The following USP24 variants were observed in gnomAD, a reference collection of about 807,000 sequenced individuals.
The protein encoded by USP24 is ubiquitin specific peptidase 24.
In USP24, 97 loss-of-function variants were observed where a neutral mutation model predicts 361.6. That is an observed-to-expected ratio of 0.27 (90% CI 0.23 to 0.32). USP24 has a LOEUF of 0.32. Among genes scored for constraint, USP24 ranks in the 10% least tolerant of loss-of-function variants. The pLI, the probability that USP24 is intolerant of heterozygous loss-of-function variation, is 1.00. For synonymous variants in USP24, 1,098 were observed against 1,124.6 expected (o/e 0.98, Z 0.47); for missense variants, 2,353 against 3,165.6 (o/e 0.74, Z 6.16).
chr1:55,101,074 G>A, intron 43 of USP24, 110 bp from the exon 44 acceptor site: 1 of 1,272,146 alleles, frequency 7.9e-7, no homozygotes, highest in East Asian at 2.5e-5. Context: ...TGTTATGTAT[G>A]TTTGGACATG....
rs545488796 is a variant in USP24 at position 55,086,032 on chromosome 1, G to A, written c.6675C>T (p.Phe2225=). 1.9e-6 allele frequency: 3 copies of A among 1,613,844 alleles called. No individual in the cohort carries two copies. Among genetic ancestry groups the A allele is most frequent in the Admixed American group, 3.3e-5 (2 of 60,012 alleles). The change falls in exon 56 of 68, where the codon TTC becomes TTT. Residue 2225 remains phenylalanine, a synonymous_variant. Transcript: ENST00000294383. ...SSEGRELIKI[F]LLECNVREVR... The stretch of plus-strand genomic sequence containing the variant: ...CTTCTCTCACATTGCACTCCAGTAA[G>A]AAAATCCTGAAAGAAAGAGAAAGGT...
intron 35 of USP24, among the ~76,000 whole-genome samples, chr1:55,123,857 A>G (rs1248191098): frequency 6.6e-6 from 1 of 152,204 alleles, no homozygotes; most frequent in Non-Finnish European, 1.5e-5. Flanking sequence ...AAAATAGCGC[A>G]ATTTTGTGGG....
At position 55,088,918 on chromosome 1, in the gene USP24, G is replaced by T. The variant is rs914453163; in HGVS notation, c.6668+709C>A. Among the ~76,000 whole-genome samples, 17 of 151,800 alleles carry T rather than the reference G, an allele frequency of 1.1e-4. No homozygotes were observed. In the East Asian group the frequency reaches 3.1e-3, roughly 28 times the overall value. ...ACTATCATAGGTAATATACTACCAGGAGTTTTTTTTTTTTGAGTGGAGTCT... is the reference window on the plus strand; with the variant it reads ...ACTATCATAGGTAATATACTACCAGTAGTTTTTTTTTTTTGAGTGGAGTCT... On this transcript the variant is annotated intron_variant, in intron 55 of 67. Transcript: ENST00000294383.
chr1:55,147,909 T>TA, intron 17 of USP24, 111 bp from the exon 18 acceptor site: 1 of 1,138,624 alleles, frequency 8.8e-7, no homozygotes, highest in Non-Finnish European at 1.2e-6. Context: ...AAAGCAAACA[T>TA]AAGAATTTCC....
rs1329725181 is a variant in USP24, at chr1:55,159,054, C to T, written c.1069-18G>A. The T allele has an allele frequency of 7.0e-7, 1 of 1,431,862 alleles. No individual in the cohort carries two copies. The highest frequency in any genetic ancestry group is 9.2e-7 in the Non-Finnish European group (1 of 1,083,232). The allele number at this position is 1,431,862 out of a possible 1,614,324, so 88.7% of individuals were successfully genotyped here. On this transcript the variant is annotated intron_variant, in intron 9 of 67. Transcript: ENST00000294383. The stretch of plus-strand genomic sequence containing the variant: ...ACCAATCTCTTTTATTGAATAAAAA[C>T]AAAAAAACAAAAAAGGAACTGTAAA...
At chr1:55,114,424 T>C (rs1239314535) in intron 38 of USP24, among the ~76,000 whole-genome samples, 1 of 152,154 alleles carries the variant, frequency 6.6e-6, no homozygotes, top group African/African-American at 2.4e-5. Context: ...AAACAGAACC[T>C]GTATAGCCAA....
chr1:55,099,654 TTAAAGA>T (rs1398581572), intron 45 of USP24, 111 bp downstream of exon 45: 3 of 711,864 alleles, frequency 4.2e-6, no homozygotes, highest in South Asian at 3.3e-5. Flanking sequence ...AGTTCTTATG[TTAAAGA>T]TAATCAATTT....
At chr1:55,155,823 T>C (rs1408526424) in intron 12 of USP24, among the ~76,000 whole-genome samples, 1 of 152,208 alleles carries the variant, frequency 6.6e-6, no homozygotes, top group African/African-American at 2.4e-5. Flanking sequence ...CAAGGGACTC[T>C]GGAAACCTTG....
At chr1:55,137,407 T>C in intron 28 of USP24, 108 bp downstream of exon 28, 2 of 1,316,604 alleles carry the variant, frequency 1.5e-6, no homozygotes, top group Non-Finnish European at 2.0e-6. Flanking sequence ...CACAACAAGC[T>C]TGAACACTAA....
chr1:55,168,054 G>A (rs142752047), intron 5 of USP24, among the ~76,000 whole-genome samples: 6 of 152,072 alleles, frequency 3.9e-5, no homozygotes, highest in South Asian at 2.1e-4. Context: ...GAAAGGAAGC[G>A]CTGAAGATCA....
At chr1:55,074,806 A>C (rs1178947082) in intron 63 of USP24, among the ~76,000 whole-genome samples, 1 of 152,164 alleles carries the variant, frequency 6.6e-6, no homozygotes, top group East Asian at 1.9e-4. Context: ...TGAAGCTACA[A>C]AACTTTTTAG....
chr1:55,124,148 T>C (rs1646361064), intron 35 of USP24, among the ~76,000 whole-genome samples: 1 of 152,248 alleles, frequency 6.6e-6, no homozygotes, highest in Non-Finnish European at 1.5e-5. Flanking sequence ...TTTCCAGGAC[T>C]GAATTCTAAA....
rs1170021988 is a variant in USP24 at position 55,107,442 on chromosome 1, A to T, written c.4571-12T>A. On this transcript the variant is annotated splice_polypyrimidine_tract_variant and intron_variant, in intron 39 of 67. Transcript: ENST00000294383. ...CTCCATTTCTGAAGCTAAGAAGGAA[A>T]AAAAAAATCCATTACAAAGAAAGAA... The T allele has an allele frequency of 6.4e-7, 1 of 1,558,342 alleles. No individual in the cohort carries two copies. Among genetic ancestry groups the T allele is most frequent in the African/African-American group, 1.4e-5 (1 of 72,298 alleles).
At chr1:55,212,574 C>T (rs1243593463) in intron 1 of USP24, among the ~76,000 whole-genome samples, 1 of 152,172 alleles carries the variant, frequency 6.6e-6, no homozygotes, top group East Asian at 1.9e-4. Context: ...GATCAAGAGC[C>T]TCAGTTTCCC....
chr1:55,093,320 T>C (rs1399361041), intron 52 of USP24, among the ~76,000 whole-genome samples: 2 of 152,246 alleles, frequency 1.3e-5, no homozygotes, highest in African/African-American at 4.8e-5. Context: ...TCAAATTCTC[T>C]TGTTCTAGCT....
At chr1:55,092,951 TG>T in intron 52 of USP24, 35 bp from the exon 53 acceptor site, 1 of 1,357,672 alleles carries the variant, frequency 7.4e-7, no homozygotes, top group Non-Finnish European at 1.0e-6. Flanking sequence ...TTTTATGAAA[TG>T]GAAAAATATT....
chr1:55,208,719 C>T (rs1053690895), intron 1 of USP24, among the ~76,000 whole-genome samples: 13 of 149,424 alleles, frequency 8.7e-5, no homozygotes, highest in South Asian at 4.3e-4. Flanking sequence ...AGGCGGATCA[C>T]GAGGTCAGGA....
At chr1:55,082,051 G>T (rs989693187) in intron 58 of USP24, among the ~76,000 whole-genome samples, 3 of 152,208 alleles carry the variant, frequency 2.0e-5, no homozygotes, top group Non-Finnish European at 4.4e-5. Context: ...CAGAGCACGT[G>T]ATGCTGTCAG....
Position 55,069,082 on chromosome 1 carries a change from C to T in USP24, c.7826G>A (p.Gly2609Asp). ...QQGSESPMMI[G>D]ELRSDLDDVD... ...ATCATCAAGGTCACTTCTCAACTCA[C>T]CAATCATCATGGGAGATTCTGAACC... is the stretch of plus-strand genomic sequence containing the variant. Residue 2609 changes from glycine to aspartate, a missense_variant, in exon 68 of 68, where the codon GGT becomes GAT. By Grantham distance (94) the Gly-to-Asp change is moderately conservative. Transcript: ENST00000294383. The T allele has an allele frequency of 6.2e-7, 1 of 1,613,980 alleles. No individual in the cohort carries two copies. Among genetic ancestry groups the T allele is most frequent in the Non-Finnish European group, 8.5e-7 (1 of 1,179,890 alleles).
Sources: allele counts gnomAD v4.1 joint callset (sites outside exome capture counted in the v4.1 genomes callset), GRCh38; gene constraint gnomAD v4.1.1; transcripts MANE v1.5; gene names NCBI Gene and HGNC (gene_info 2026-07-23, HGNC 2026-07-21).